TMEM247: variants seen among roughly 807,000 people sequenced by gnomAD.
The protein encoded by TMEM247 is transmembrane protein ENSP00000343375.
TMEM247 carries 23 observed loss-of-function variants against 20.7 expected under a neutral mutation model. That is an observed-to-expected ratio of 1.11 (90% confidence interval 0.80 to 1.57). TMEM247 has a LOEUF of 1.57. Among genes scored for constraint, TMEM247 ranks in the 40% most tolerant of loss-of-function variants. The probability of loss-of-function intolerance (pLI) is 0.00; values close to 1 mark genes in which losing one functional copy is unlikely to be tolerated. For synonymous variants in TMEM247, 106 were observed against 111.9 expected (o/e 0.95, Z 0.33); for missense variants, 354 against 283.8 (o/e 1.25, Z -1.78).
intron 2 of TMEM247, among the ~76,000 whole-genome samples, chr2:46,483,366 C>A (rs1190349799): frequency 6.6e-6 from 1 of 152,220 alleles, no homozygotes; most frequent in African/African-American, 2.4e-5. Context: ...TAGGGAGACC[C>A]CATCACCTAT....
chr2:46,482,831 C>A (rs1365528754), intron 2 of TMEM247, among the ~76,000 whole-genome samples: 1 of 152,224 alleles, frequency 6.6e-6, no homozygotes, highest in Non-Finnish European at 1.5e-5. Flanking sequence ...ATCATCAGGT[C>A]ATTTTCTGTC....
At chr2:46,481,172 T>G (rs991420914) in intron 2 of TMEM247, among the ~76,000 whole-genome samples, 1 of 152,160 alleles carries the variant, frequency 6.6e-6, no homozygotes, top group Non-Finnish European at 1.5e-5. Flanking sequence ...CTGCATCTCT[T>G]AAAATTTGAT....
chr2:46,484,131 G>T, intron 2 of TMEM247, 113 bp from the exon 3 acceptor site: 1 of 941,506 alleles, frequency 1.1e-6, no homozygotes, highest in Non-Finnish European at 1.6e-6. Flanking sequence ...CTTTCTTTAG[G>T]TGAAGATGAT....
intron 2 of TMEM247, among the ~76,000 whole-genome samples, chr2:46,483,962 T>A (rs888060657): frequency 5.9e-5 from 9 of 151,410 alleles, no homozygotes; most frequent in East Asian, 1.9e-4. Flanking sequence ...AATTTTTAAA[T>A]TTTTTTTTAT....
intron 1 of TMEM247, 89 bp from the exon 2 acceptor site, chr2:46,480,316 G>C (rs917392074): frequency 8.0e-6 from 11 of 1,373,172 alleles, no homozygotes; most frequent in Non-Finnish European, 8.6e-6. Flanking sequence ...AGTCCACTGC[G>C]GCCTGGGGCT....
chr2:46,479,904 G>A (rs950634776), intron 1 of TMEM247, among the ~76,000 whole-genome samples: 1 of 152,156 alleles, frequency 6.6e-6, no homozygotes, highest in Non-Finnish European at 1.5e-5. Flanking sequence ...GCTGGGTTTG[G>A]TCTCCTCTAT....
chr2:46,482,393 C>T (rs533887672), intron 2 of TMEM247, among the ~76,000 whole-genome samples: 17 of 152,326 alleles, frequency 1.1e-4, no homozygotes, highest in African/African-American at 4.1e-4. Flanking sequence ...AAAGTGGAAC[C>T]TGAAACTATT....
At position 46,483,498 on chromosome 2, in the gene TMEM247, G is replaced by A. The variant is rs1238094056; in HGVS notation, c.478-746G>A. Reference sequence around the variant, plus strand: ...GTCATTTATATGCAAGGGACACCATGTCATTGGGCCACTGTCCAGGAAACT... The same window carrying A: ...GTCATTTATATGCAAGGGACACCATATCATTGGGCCACTGTCCAGGAAACT... On this transcript the variant is annotated intron_variant, in intron 2 of 2. Transcript: ENST00000434431. 2.6e-5 allele frequency among the ~76,000 whole-genome samples: 4 copies of A among 152,334 alleles called. No individual in the cohort carries two copies. In the South Asian group the frequency reaches 6.2e-4, roughly 24 times the overall value.
exon 1 of TMEM247, chr2:46,479,698 A>C: frequency 6.5e-7 from 1 of 1,549,858 alleles, no homozygotes; most frequent in Non-Finnish European, 8.7e-7. Context: ...CCAAGGGCTT[A>C]TCTGGTAAGG....
At chr2:46,484,283 C>A in exon 3 of TMEM247, 1 of 1,551,902 alleles carries the variant, frequency 6.4e-7, no homozygotes, top group Non-Finnish European at 8.7e-7. Context: ...GCCCCAGAAC[C>A]AGTTTGCCAT....
intron 2 of TMEM247, among the ~76,000 whole-genome samples, chr2:46,482,234 A>G (rs1686903448): frequency 6.6e-6 from 1 of 152,256 alleles, no homozygotes; most frequent in Non-Finnish European, 1.5e-5. Flanking sequence ...GATTTCCAGA[A>G]TCTTCCCCTG....
chr2:46,482,953 T>A (rs1391581969), intron 2 of TMEM247, among the ~76,000 whole-genome samples: 1 of 152,204 alleles, frequency 6.6e-6, no homozygotes, highest in East Asian at 1.9e-4. Flanking sequence ...TTTTTGTGCA[T>A]TTACTAAAAA....
At chr2:46,483,669 C>A (rs1235641264) in intron 2 of TMEM247, among the ~76,000 whole-genome samples, 1 of 152,166 alleles carries the variant, frequency 6.6e-6, no homozygotes. Flanking sequence ...GGTGGCCTGG[C>A]GCCCCAGTCA....
chr2:46,484,402 T>C (rs777245212), exon 3 of TMEM247: 3 of 1,551,914 alleles, frequency 1.9e-6, no homozygotes, highest in South Asian at 1.2e-5. Flanking sequence ...TTTTGCTCTG[T>C]TTGATTAAAA....
exon 2 of TMEM247, chr2:46,480,603 C>T (rs1686862572): frequency 1.3e-6 from 2 of 1,543,702 alleles, no homozygotes; most frequent in South Asian, 2.4e-5. Flanking sequence ...CGAGATGGAG[C>T]TGGAGAAGGT....
chr2:46,484,275 C>T, exon 3 of TMEM247: 1 of 1,551,536 alleles, frequency 6.4e-7, no homozygotes, highest in Non-Finnish European at 8.7e-7. Flanking sequence ...TTCCTGCTGC[C>T]CCAGAACCAG....
At chr2:46,484,173 C>A in intron 2 of TMEM247, 71 bp from the exon 3 acceptor site, 2 of 1,368,132 alleles carry the variant, frequency 1.5e-6, no homozygotes, top group South Asian at 1.4e-5. Flanking sequence ...AGGGTCAGAG[C>A]AGGACTGAAC....
exon 3 of TMEM247, chr2:46,484,251 G>C: frequency 6.5e-7 from 1 of 1,548,914 alleles, no homozygotes; most frequent in East Asian, 2.4e-5. Context: ...CAGTTTTCAG[G>C]AGGCCTCCAG....
At chr2:46,483,016 G>A (rs1558644209) in intron 2 of TMEM247, among the ~76,000 whole-genome samples, 2 of 152,162 alleles carry the variant, frequency 1.3e-5, no homozygotes, top group Non-Finnish European at 1.5e-5. Flanking sequence ...TTCTGGGAGG[G>A]TGAATAGATG....
Sources: gnomAD v4.1 joint callset for allele counts (sites outside exome capture counted in the v4.1 genomes callset) on GRCh38, gnomAD v4.1.1 for gene constraint, MANE v1.5 for transcripts, NCBI Gene and HGNC (gene_info 2026-07-23, HGNC 2026-07-21) for gene names.